Variants in NRG4 observed in about 807,000 individuals in gnomAD.
The protein encoded by NRG4 is neuregulin 4.
Under a neutral mutation model 15.0 loss-of-function variants are expected in NRG4, and 10 were observed. The ratio of observed to expected loss-of-function variants is 0.67; its 90% CI spans 0.41 to 1.13. NRG4 has a LOEUF of 1.13. Among genes scored for constraint, NRG4 ranks in the 50% most tolerant of loss-of-function variants. The pLI, the probability that NRG4 is intolerant of heterozygous loss-of-function variation, is 0.00. For missense variants in NRG4, 139 were observed against 140.2 expected (o/e 0.99, Z 0.04); for synonymous variants, 41 against 50.1 (o/e 0.82, Z 0.77).
At chr15:75,940,400 G>T (rs2030823076), downstream of NRG4, 1 of 150,782 alleles carries the variant, frequency 6.6e-6, no homozygotes, top group Non-Finnish European at 1.5e-5. Flanking sequence ...TAATATGTCA[G>T]TACTACTCAA....
chr15:75,971,324 C>T, intron 3 of NRG4: 1 of 415,932 alleles, frequency 2.4e-6, no homozygotes, highest in Non-Finnish European at 4.7e-6. Context: ...ATAGATCTAT[C>T]CCTATTGGGT....
chr15:76,004,599 CAA>C (rs550312663), intron 3 of NRG4, among the ~76,000 whole-genome samples: 12 of 60,250 alleles, frequency 2.0e-4, no homozygotes, highest in African/African-American at 2.4e-4. Flanking sequence ...AACTCCGTCT[CAA>C]AAAAAAAAAA....
intron 5 of NRG4, among the ~76,000 whole-genome samples, chr15:76,025,888 A>C (rs2035303324): frequency 6.6e-6 from 1 of 152,136 alleles, no homozygotes; most frequent in South Asian, 2.1e-4. Flanking sequence ...AAAATTAAAA[A>C]AAAAAATGCA....
chr15:75,967,654 G>T (rs1160445729), intron 3 of NRG4, among the ~76,000 whole-genome samples: 1 of 151,860 alleles, frequency 6.6e-6, no homozygotes, highest in African/African-American at 2.4e-5. Context: ...TAGAGACGGG[G>T]TTTCACCATG....
chr15:76,044,668 T>C (rs545877502), intron 4 of NRG4, among the ~76,000 whole-genome samples: 7 of 148,938 alleles, frequency 4.7e-5, no homozygotes, highest in Non-Finnish European at 8.9e-5. Context: ...ACCCCGTCTC[T>C]ACTAAAAATA....
chr15:76,045,216 A>G (rs2035840928), intron 4 of NRG4, among the ~76,000 whole-genome samples: 1 of 151,138 alleles, frequency 6.6e-6, no homozygotes, highest in African/African-American at 2.5e-5. Flanking sequence ...CATCAGAGAA[A>G]TGCAAATCAA....
chr15:75,980,833 G>GA (rs140425625), intron 3 of NRG4, among the ~76,000 whole-genome samples: 13,048 of 148,562 alleles, frequency 0.088, 594 homozygotes, highest in African/African-American at 0.11. Context: ...AGCTCTGTAA[G>GA]AAAAAAAAAT....
intron 3 of NRG4, among the ~76,000 whole-genome samples, chr15:75,968,584 C>T (rs1292880082): frequency 3.0e-5 from 3 of 101,186 alleles, no homozygotes; most frequent in Admixed American, 1.0e-4. Flanking sequence ...GAAACTCCAT[C>T]TAAAAAAAAA....
chr15:75,981,974 T>C (rs2033625776), intron 3 of NRG4, among the ~76,000 whole-genome samples: 1 of 152,030 alleles, frequency 6.6e-6, no homozygotes, highest in Non-Finnish European at 1.5e-5. Context: ...CAGACTGATT[T>C]ACAGAGAAGA....
At chr15:75,991,447 G>A (rs1232229724) in intron 3 of NRG4, among the ~76,000 whole-genome samples, 2 of 152,108 alleles carry the variant, frequency 1.3e-5, no homozygotes, top group East Asian at 3.8e-4. Context: ...GCTGATCTTT[G>A]CCCTATAAAT....
In NRG4 at chr15:76,045,815, G is replaced by T. The variant is rs374010093; in HGVS notation, c.-105+6252C>A. 3.3e-5 allele frequency among the ~76,000 whole-genome samples: 5 copies of T among 150,774 alleles called. No homozygotes were observed. The East Asian group carries it at 9.6e-4, about 29-fold the overall frequency. ...CAGGGGGCTGGTTGGGGGAAGTGGGGATAGTTAATGGATCCAAATTAGTAA... is the reference window on the plus strand; with the variant it reads ...CAGGGGGCTGGTTGGGGGAAGTGGGTATAGTTAATGGATCCAAATTAGTAA... On this transcript the variant is annotated intron_variant, in intron 4 of 8. Coordinates refer to the NRG4 transcript ENST00000563910.
chr15:75,967,888 T>C (rs981431058), intron 3 of NRG4, among the ~76,000 whole-genome samples: 3 of 152,222 alleles, frequency 2.0e-5, no homozygotes, highest in African/African-American at 7.2e-5. Flanking sequence ...TAATCCATAT[T>C]TGTCACTAGG....
At chr15:75,996,680 CATA>C (rs1454050330) in intron 3 of NRG4, among the ~76,000 whole-genome samples, 2 of 152,068 alleles carry the variant, frequency 1.3e-5, no homozygotes, top group Non-Finnish European at 2.9e-5. Context: ...CATTCGTCTA[CATA>C]ATGATAGTAC....
chr15:75,956,918 CTTT>C (rs1330325964), intron 4 of NRG4, among the ~76,000 whole-genome samples: 1 of 152,090 alleles, frequency 6.6e-6, no homozygotes, highest in South Asian at 2.1e-4. Flanking sequence ...TTTTAGCTTT[CTTT>C]TTTATTTATT....
intron 5 of NRG4, among the ~76,000 whole-genome samples, chr15:76,035,732 C>G (rs894673999): frequency 6.6e-6 from 1 of 152,116 alleles, no homozygotes; most frequent in Non-Finnish European, 1.5e-5. Context: ...AATTCTGAAC[C>G]TACAGATTCT....
chr15:76,007,380 T>C (rs1037560943), intron 3 of NRG4, among the ~76,000 whole-genome samples: 2 of 151,730 alleles, frequency 1.3e-5, no homozygotes, highest in African/African-American at 4.8e-5. Context: ...GCAGCCATCA[T>C]CAAGATCAAG....
intron 5 of NRG4, among the ~76,000 whole-genome samples, chr15:76,032,370 C>A (rs866830881): frequency 2.4e-4 from 36 of 151,918 alleles, no homozygotes; most frequent in Admixed American, 1.0e-3. Flanking sequence ...GATCTCAATA[C>A]CCCCCAAATC....
downstream of NRG4, chr15:75,940,592 C>A (rs1390120972): frequency 6.6e-6 from 1 of 151,822 alleles, no homozygotes; most frequent in African/African-American, 2.4e-5. Context: ...TTAAAACTTA[C>A]TATAATGCTA....
intron 5 of NRG4, among the ~76,000 whole-genome samples, chr15:75,948,952 GA>G (rs1457671497): frequency 1.3e-5 from 2 of 152,178 alleles, no homozygotes; most frequent in Non-Finnish European, 2.9e-5. Context: ...TTGGAAGGCT[GA>G]GGCAAGAGGA....
Sources: allele counts gnomAD v4.1 joint callset (sites outside exome capture counted in the v4.1 genomes callset), GRCh38; gene constraint gnomAD v4.1.1; transcripts MANE v1.5; gene names NCBI Gene and HGNC (gene_info 2026-07-23, HGNC 2026-07-21).